Variants in HSD17B3 observed in about 807,000 individuals in gnomAD.
The protein encoded by HSD17B3 is hydroxysteroid 17-beta dehydrogenase 3, also known as 17-beta-hydroxysteroid dehydrogenase type 3.
A neutral mutation model predicts 41.1 loss-of-function variants in HSD17B3; 29 were observed. That is an observed-to-expected ratio of 0.71 (90% CI 0.53 to 0.96). The LOEUF (loss-of-function observed/expected upper bound fraction) is 0.96. Ranked by LOEUF, HSD17B3 falls within the 40% of genes least tolerant of loss-of-function variation. The pLI is 0.00. For synonymous variants in HSD17B3, 126 were observed against 145.6 expected, an observed-to-expected ratio of 0.87 and a Z score of 0.97; for missense variants, 323 against 374.6, an observed-to-expected ratio of 0.86 and a Z score of 1.14.
At position 96,301,806 on chromosome 9, in the gene HSD17B3, G is replaced by A. The variant is rs1022403473; in HGVS notation, c.154+145C>T. Reference sequence around the variant, plus strand: ...TGAGGCAGGAGAATTGCTTAAACCCGGGAAGCGGAGGTTGCAGTGAGCCAA... The same window carrying A: ...TGAGGCAGGAGAATTGCTTAAACCCAGGAAGCGGAGGTTGCAGTGAGCCAA... On this transcript the variant is annotated intron_variant, in intron 1 of 10. Coordinates refer to ENST00000375263, the MANE Select transcript of HSD17B3 (RefSeq NM_000197.2). 4.5e-5 allele frequency: 37 copies of A among 820,856 alleles called. No homozygotes were observed. The African/African-American group carries it at 4.8e-4, about 11-fold the overall frequency. The allele number at this position is 820,856 out of a possible 1,614,324, so 50.8% of individuals were successfully genotyped here.
Position 96,252,855 on chromosome 9 carries a change from G to A in HSD17B3, c.333C>T (p.Asp111=), listed in dbSNP as rs35189151. ...GTTTTTCTTTAATATGCTCGTAGAT[G>A]TCATCTTTTGTAAAATCTGCTTGTA... ...KIIQADFTKD[D]IYEHIKEKLA... Residue 111 remains aspartate (D), a synonymous_variant, in exon 4 of 11, where the codon GAC becomes GAT. Coordinates refer to ENST00000375263, the MANE Select transcript of HSD17B3 (RefSeq NM_000197.2). 5.1e-4 allele frequency: 823 copies of A among 1,613,532 alleles called. 12 individuals carry two copies. In the East Asian group the frequency reaches 0.014, roughly 27 times the overall value.
chr9:96,270,285 G>C lies in HSD17B3; in HGVS notation c.202-15342C>G, dbSNP rs868465520. On this transcript the variant is annotated intron_variant, in intron 2 of 10. Transcript: ENST00000375263. ...ACACACACACAGAGAGAGAGAGAGA[G>C]AGAGACAGAGACAGAGAGAGAAAGA... Among the ~76,000 whole-genome samples the C allele has an allele frequency of 7.3e-5, 11 of 149,836 alleles. No individual in the cohort carries two copies. The South Asian group carries it at 1.5e-3, about 20-fold the overall frequency.
chr9:96,249,874 G>A (rs1478544515), intron 5 of HSD17B3, 88 bp from the exon 6 acceptor site: 6 of 1,610,392 alleles, frequency 3.7e-6, no homozygotes, highest in Admixed American at 3.3e-5. Flanking sequence ...CCATGAAGTG[G>A]GCAAAAGTGC....
At chr9:96,242,952 A>G (rs1476738466) in intron 9 of HSD17B3, among the ~76,000 whole-genome samples, 2 of 152,158 alleles carry the variant, frequency 1.3e-5, no homozygotes, top group Non-Finnish European at 1.5e-5. Context: ...AGAGTTGGCC[A>G]GTGATTTATG....
intron 2 of HSD17B3, among the ~76,000 whole-genome samples, chr9:96,286,938 C>G (rs1223532178): frequency 1.3e-5 from 2 of 152,194 alleles, no homozygotes; most frequent in Admixed American, 6.5e-5. Flanking sequence ...AGTAGCCCTT[C>G]TTTTATTCCT....
chr9:96,301,807 G>A, intron 1 of HSD17B3, 144 bp downstream of exon 1: 1 of 838,130 alleles, frequency 1.2e-6, no homozygotes, highest in Non-Finnish European at 2.0e-6. Flanking sequence ...CTTAAACCCG[G>A]GAAGCGGAGG....
At chr9:96,301,786 CAGG>C (rs901320371) in intron 1 of HSD17B3, among the ~76,000 whole-genome samples, 162 bp downstream of exon 1, 2 of 151,254 alleles carry the variant, frequency 1.3e-5, no homozygotes, top group African/African-American at 4.9e-5. Context: ...GAGGCTGAGG[CAGG>C]AGAATTGCTT....
intron 4 of HSD17B3, 151 bp downstream of exon 4, chr9:96,252,652 A>T: frequency 4.5e-6 from 3 of 670,414 alleles, no homozygotes. Flanking sequence ...CTCTAGAAGA[A>T]GTGTGCTTTG....
chr9:96,288,763 C>T (rs2987360), intron 2 of HSD17B3, among the ~76,000 whole-genome samples: 59,793 of 151,700 alleles, frequency 0.39, 12,287 homozygotes, highest in African/African-American at 0.49. Flanking sequence ...GTTGAAACCC[C>T]ATCTCTACTA....
chr9:96,288,799 G>A (rs983802944), intron 2 of HSD17B3, among the ~76,000 whole-genome samples: 3 of 152,040 alleles, frequency 2.0e-5, no homozygotes, highest in Non-Finnish European at 2.9e-5. Context: ...TTAGCCAGGC[G>A]TGGTGTGGGC....
At chr9:96,272,085 T>C (rs931981378) in intron 2 of HSD17B3, among the ~76,000 whole-genome samples, 4 of 151,822 alleles carry the variant, frequency 2.6e-5, no homozygotes, top group Non-Finnish European at 5.9e-5. Flanking sequence ...AATACATATA[T>C]AGGTCAGGCA....
At chr9:96,298,112 G>A (rs1827432414) in intron 2 of HSD17B3, among the ~76,000 whole-genome samples, 1 of 152,114 alleles carries the variant, frequency 6.6e-6, no homozygotes, top group South Asian at 2.1e-4. Context: ...AGTTTATAAT[G>A]TTTTGAAAAA....
chr9:96,263,280 C>T (rs910906810), intron 2 of HSD17B3, among the ~76,000 whole-genome samples: 9 of 152,280 alleles, frequency 5.9e-5, no homozygotes, highest in Non-Finnish European at 1.0e-4. Context: ...TCGCAAGCCT[C>T]ACCTTAGTCC....
At chr9:96,285,829 A>G (rs896908368) in intron 2 of HSD17B3, among the ~76,000 whole-genome samples, 15 of 152,102 alleles carry the variant, frequency 9.9e-5, no homozygotes, top group African/African-American at 2.9e-4. Context: ...CAGAAGATGG[A>G]TTTTCATCCC....
At chr9:96,299,031 C>A (rs1827473098) in intron 1 of HSD17B3, among the ~76,000 whole-genome samples, 1 of 152,102 alleles carries the variant, frequency 6.6e-6, no homozygotes, top group African/African-American at 2.4e-5. Context: ...ATGAAGAAAC[C>A]TGAAGAATTT....
At chr9:96,293,342 C>G (rs186851596) in intron 2 of HSD17B3, among the ~76,000 whole-genome samples, 1 of 152,192 alleles carries the variant, frequency 6.6e-6, no homozygotes, top group African/African-American at 2.4e-5. Flanking sequence ...CTTAAGAAAA[C>G]AAGATTGACC....
At chr9:96,268,049 C>T (rs577932931) in intron 2 of HSD17B3, among the ~76,000 whole-genome samples, 1 of 152,156 alleles carries the variant, frequency 6.6e-6, no homozygotes, top group Non-Finnish European at 1.5e-5. Context: ...CTCAACCTCC[C>T]GAGTAGCTGG....
chr9:96,280,870 C>T (rs1826664087), intron 2 of HSD17B3, among the ~76,000 whole-genome samples: 1 of 152,160 alleles, frequency 6.6e-6, no homozygotes, highest in Non-Finnish European at 1.5e-5. Context: ...TTGCTACACT[C>T]CCACCAGCGC....
chr9:96,297,341 C>CTTTT (rs71368242), intron 2 of HSD17B3, among the ~76,000 whole-genome samples: 7 of 73,546 alleles, frequency 9.5e-5, no homozygotes, highest in Non-Finnish European at 1.5e-4. Flanking sequence ...TTATTGATTT[C>CTTTT]TTTTTTTTTT....
Sources: gnomAD v4.1 joint callset for allele counts (sites outside exome capture counted in the v4.1 genomes callset) on GRCh38, gnomAD v4.1.1 for gene constraint, MANE v1.5 for transcripts, NCBI Gene and HGNC (gene_info 2026-07-23, HGNC 2026-07-21) for gene names.